Variants in AGMO observed in about 807,000 individuals in gnomAD.
The protein encoded by AGMO is alkylglycerol monooxygenase.
In AGMO, 75 loss-of-function variants were observed where a neutral mutation model predicts 60.2. The observed-to-expected ratio is 1.25, with a 90% CI of 1.03 to 1.51. The LOEUF (loss-of-function observed/expected upper bound fraction) is 1.51. AGMO is among the 40% of genes most tolerant of loss of function. The pLI is 0.00. For missense variants in AGMO, 763 were observed against 525.5 expected, an observed-to-expected ratio of 1.45 and a Z score of -4.42; for synonymous variants, 261 against 177.1, an observed-to-expected ratio of 1.47 and a Z score of -3.76.
intron 2 of AGMO, among the ~76,000 whole-genome samples, chr7:15,555,292 T>TACACACACACACAC (rs58173194): frequency 1.0e-5 from 1 of 95,878 alleles, no homozygotes; most frequent in Non-Finnish European, 2.0e-5. Flanking sequence ...TATATATATA[T>TACACACACACACAC]ACACACACAC....
the AGMO span, among the ~76,000 whole-genome samples, chr7:15,140,729 T>C: frequency 1.3e-5 from 2 of 152,320 alleles, no homozygotes; most frequent in African/African-American, 4.8e-5. Flanking sequence ...AAAGTTTATT[T>C]TGGTTCTTTC....
intron 12 of AGMO, among the ~76,000 whole-genome samples, chr7:15,349,827 T>G (rs1782171196): frequency 6.6e-6 from 1 of 152,050 alleles, no homozygotes; most frequent in Admixed American, 6.6e-5. Context: ...TCAGGTCTGG[T>G]GAGAACTCAC....
chr7:15,144,860 C>T, the AGMO span, among the ~76,000 whole-genome samples: 4 of 152,198 alleles, frequency 2.6e-5, no homozygotes, highest in African/African-American at 7.2e-5. Flanking sequence ...GACGGAGTCT[C>T]GCTCTGCCGC....
intron 12 of AGMO, chr7:15,358,229 T>G (rs1288479607): frequency 2.3e-5 from 5 of 214,074 alleles, no homozygotes; most frequent in Admixed American, 1.2e-4. Context: ...AGTGCACATT[T>G]AATATTTATT....
intron 12 of AGMO, among the ~76,000 whole-genome samples, chr7:15,304,541 G>C (rs1780553815): frequency 1.3e-5 from 2 of 152,040 alleles, no homozygotes; most frequent in South Asian, 4.1e-4. Context: ...ATATAAGGAA[G>C]ATAAAGTGGA....
At chr7:15,264,098 A>G (rs1226838763) in intron 12 of AGMO, among the ~76,000 whole-genome samples, 1 of 151,902 alleles carries the variant, frequency 6.6e-6, no homozygotes, top group South Asian at 2.1e-4. Flanking sequence ...TAAAAAAATT[A>G]AATATTAGAA....
intron 12 of AGMO, among the ~76,000 whole-genome samples, chr7:15,253,374 C>G (rs933331713): frequency 1.3e-5 from 2 of 151,954 alleles, no homozygotes; most frequent in Non-Finnish European, 2.9e-5. Context: ...GGGAGTAAGA[C>G]TATCAGCTAA....
intron 12 of AGMO, among the ~76,000 whole-genome samples, chr7:15,305,545 G>A (rs368563840): frequency 3.3e-5 from 5 of 151,920 alleles, no homozygotes; most frequent in East Asian, 1.9e-4. Flanking sequence ...CCTGTGAGTC[G>A]AATGGTTATA....
At chr7:15,135,607 A>T in the AGMO span, among the ~76,000 whole-genome samples, 1 of 152,220 alleles carries the variant, frequency 6.6e-6, no homozygotes, top group African/African-American at 2.4e-5. Context: ...ATAGTAGTAT[A>T]TCAAATAATA....
At chr7:15,219,238 T>G (rs1177041549) in intron 12 of AGMO, among the ~76,000 whole-genome samples, 1 of 152,196 alleles carries the variant, frequency 6.6e-6, no homozygotes, top group Admixed American at 6.6e-5. Flanking sequence ...ATACAGATCT[T>G]TGCACAATTA....
intron 6 of AGMO, among the ~76,000 whole-genome samples, chr7:15,391,680 C>T (rs1173458449): frequency 2.6e-5 from 4 of 152,048 alleles, no homozygotes; most frequent in Non-Finnish European, 4.4e-5. Flanking sequence ...GAAAAATCTC[C>T]CATAGTATAA....
intron 12 of AGMO, among the ~76,000 whole-genome samples, chr7:15,327,381 T>C (rs1237802756): frequency 6.6e-6 from 1 of 152,152 alleles, no homozygotes; most frequent in Non-Finnish European, 1.5e-5. Flanking sequence ...CCAAAAGGCA[T>C]GCTTGGAACC....
chr7:15,322,980 TA>T (rs376219126), intron 12 of AGMO, among the ~76,000 whole-genome samples: 4 of 60,382 alleles, frequency 6.6e-5, no homozygotes, highest in African/African-American at 3.7e-4. Flanking sequence ...TATATATATG[TA>T]TTTATTTTTT....
intron 12 of AGMO, among the ~76,000 whole-genome samples, chr7:15,259,674 T>C (rs1397816736): frequency 6.6e-6 from 1 of 151,978 alleles, no homozygotes; most frequent in Non-Finnish European, 1.5e-5. Flanking sequence ...TCAGGTCACC[T>C]ATAAAGGAAA....
At chr7:15,458,790 C>G (rs1173407972) in intron 3 of AGMO, among the ~76,000 whole-genome samples, 1 of 152,114 alleles carries the variant, frequency 6.6e-6, no homozygotes, top group Non-Finnish European at 1.5e-5. Context: ...GACACAACCA[C>G]AAAATTGCAG....
chr7:15,384,582 T>C (rs1428831503), intron 10 of AGMO, among the ~76,000 whole-genome samples: 1 of 152,150 alleles, frequency 6.6e-6, no homozygotes, highest in Non-Finnish European at 1.5e-5. Flanking sequence ...ATAACTATTA[T>C]TCAGAGTTAC....
At chr7:15,463,613 G>T (rs1323647609) in intron 3 of AGMO, among the ~76,000 whole-genome samples, 2 of 151,968 alleles carry the variant, frequency 1.3e-5, no homozygotes, top group African/African-American at 4.8e-5. Context: ...ATTACATAGG[G>T]TCCCCTTCCT....
intron 4 of AGMO, 117 bp from the exon 5 acceptor site, chr7:15,418,770 G>A: frequency 3.2e-6 from 2 of 625,204 alleles, no homozygotes; most frequent in East Asian, 3.4e-5. Context: ...ACTATATACT[G>A]TATATTTTAT....
chr7:15,310,688 A>G (rs1393452963), intron 12 of AGMO, among the ~76,000 whole-genome samples: 2 of 152,262 alleles, frequency 1.3e-5, no homozygotes, highest in African/African-American at 4.8e-5. Flanking sequence ...CTATTATCCT[A>G]TTGCTGCTGT....
Sources: gnomAD v4.1 joint callset for allele counts (sites outside exome capture counted in the v4.1 genomes callset) on GRCh38, gnomAD v4.1.1 for gene constraint, MANE v1.5 for transcripts, NCBI Gene and HGNC (gene_info 2026-07-23, HGNC 2026-07-21) for gene names.